PICALM: variants seen among roughly 807,000 people sequenced by gnomAD.
PICALM encodes phosphatidylinositol-binding clathrin assembly protein.
In PICALM, 40 loss-of-function variants were observed where a neutral mutation model predicts 80.5. The observed-to-expected ratio is 0.50, with a 90% CI of 0.39 to 0.65. The LOEUF is 0.65. PICALM is among the 30% of genes least tolerant of loss of function. The probability of loss-of-function intolerance (pLI) is 0.00; values close to 1 mark genes in which losing one functional copy is unlikely to be tolerated. For missense variants in PICALM, 676 were observed against 778.9 expected (o/e 0.87, Z 1.57); for synonymous variants, 288 against 260.3 (o/e 1.11, Z -1.02).
chr11:85,962,596 T>C (rs2093726600), intron 19 of PICALM, among the ~76,000 whole-genome samples: 1 of 152,238 alleles, frequency 6.6e-6, no homozygotes, highest in African/African-American at 2.4e-5. Context: ...ATAAACAATG[T>C]TGAAAAGGAT....
rs901534032 is a variant in PICALM at position 86,014,774 on chromosome 11, G to A, written c.546+96C>T. On this transcript the variant is annotated intron_variant, in intron 5 of 19. Transcript: ENST00000393346. The stretch of plus-strand genomic sequence containing the variant: ...TTAGCCATATAGGATATCAGGATGT[G>A]AAAAACTAGAGTCTGTGAAAACTTG... 40 of 629,942 alleles carry A rather than the reference G, an allele frequency of 6.3e-5. No individual in the cohort carries two copies. The East Asian group carries it at 1.2e-3, about 18-fold the overall frequency. The allele number at this position is 629,942 out of a possible 1,614,324, so 39.0% of individuals were successfully genotyped here.
Position 85,981,226 on chromosome 11 carries a change from T to C in PICALM, c.1682A>G (p.Asp561Gly), listed in dbSNP as rs1321141319. 6.6e-7 allele frequency: 1 copy of C among 1,506,298 alleles called. No homozygotes were observed. The highest frequency in any genetic ancestry group is 2.3e-5 in the East Asian group (1 of 44,382). The allele number at this position is 1,506,298 out of a possible 1,614,324, so 93.3% of individuals were successfully genotyped here. A position where few individuals can be genotyped will look rare whatever the true frequency, so the allele number is the denominator to read the frequency against. ...TTCACCTGGTTGACTCCAATTTACA[T>C]CACTTTAAATAAACATAAGTGAGAA... Reference protein sequence around the residue: ...LGIGNGTTKNDVNWSQPGEKK... With the variant: ...LGIGNGTTKNGVNWSQPGEKK... Residue 561 changes from aspartate to glycine, a missense_variant and splice_region_variant, in exon 17 of 20, where the codon GAT (aspartate) becomes GGT (glycine). Asp to Gly is a moderately conservative substitution (Grantham distance 94, BLOSUM62 -1). Coordinates refer to ENST00000393346, the MANE Select transcript of PICALM (RefSeq NM_007166.4).
At chr11:86,031,424 T>TA (rs2095750155) in intron 2 of PICALM, 45 bp downstream of exon 2, 1 of 1,495,908 alleles carries the variant, frequency 6.7e-7, no homozygotes, top group Non-Finnish European at 9.1e-7. Flanking sequence ...TAGCTAACAA[T>TA]AAGTCAACAC....
At chr11:86,062,726 A>G (rs182632829) in intron 1 of PICALM, among the ~76,000 whole-genome samples, 118 of 152,332 alleles carry the variant, frequency 7.7e-4, no homozygotes, top group African/African-American at 2.8e-3. Flanking sequence ...TAGGTTCATC[A>G]AGATTCTCTT....
At chr11:85,975,825 A>T (rs975535733) in intron 18 of PICALM, among the ~76,000 whole-genome samples, 1 of 151,580 alleles carries the variant, frequency 6.6e-6, no homozygotes, top group Non-Finnish European at 1.5e-5. Context: ...TTGAACTCCC[A>T]ACCTCAGGTG....
rs1307292087 is a variant in PICALM, at chr11:86,048,367, C to T, written c.131-16756G>A. On this transcript the variant is annotated intron_variant, in intron 1 of 19. Transcript: ENST00000393346. The stretch of plus-strand genomic sequence containing the variant: ...TAGTGCCTTGATCCACTCTAGGTCA[C>T]CAAGTCAAAACAGTATTTTGCAAGA... 2.0e-5 allele frequency among the ~76,000 whole-genome samples: 3 copies of T among 152,160 alleles called. No individual in the cohort carries two copies. In the East Asian group the frequency reaches 5.8e-4, roughly 29 times the overall value.
At chr11:86,067,142 G>C (rs1307422522) in intron 1 of PICALM, among the ~76,000 whole-genome samples, 1 of 152,196 alleles carries the variant, frequency 6.6e-6, no homozygotes, top group Non-Finnish European at 1.5e-5. Context: ...GCATTCATGA[G>C]CACAGTAACT....
intron 4 of PICALM, among the ~76,000 whole-genome samples, chr11:86,021,927 A>G (rs1301718158): frequency 6.6e-6 from 1 of 152,244 alleles, no homozygotes; most frequent in Non-Finnish European, 1.5e-5. Context: ...AAGGTCACAT[A>G]TTGTATAATT....
At chr11:85,994,779 T>C (rs76147041) in intron 12 of PICALM, among the ~76,000 whole-genome samples, 3,466 of 152,336 alleles carry the variant, frequency 0.023, 66 homozygotes, top group Non-Finnish European at 0.037. Flanking sequence ...TCTCGGCTCA[T>C]TGCAATTTCC....
At chr11:85,975,223 T>C (rs901303990) in intron 18 of PICALM, among the ~76,000 whole-genome samples, 3 of 152,210 alleles carry the variant, frequency 2.0e-5, no homozygotes, top group African/African-American at 4.8e-5. Context: ...ACTTTTGCCA[T>C]TATGCAAGTG....
intron 1 of PICALM, among the ~76,000 whole-genome samples, chr11:86,055,608 C>T (rs2096256653): frequency 6.6e-6 from 1 of 152,144 alleles, no homozygotes; most frequent in Admixed American, 6.5e-5. Flanking sequence ...CCACATTACA[C>T]AGAGGTAGTA....
chr11:85,982,422 A>ATTTTTTTTTTTTTTT (rs1446437172), intron 14 of PICALM, among the ~76,000 whole-genome samples: 13 of 29,756 alleles, frequency 4.4e-4, no homozygotes, highest in African/African-American at 8.1e-4. Flanking sequence ...GATTTTATAG[A>ATTTTTTTTTTTTTTT]CTTTTTTTTT....
At chr11:86,027,575 A>C (rs2095669598) in intron 2 of PICALM, among the ~76,000 whole-genome samples, 4 of 145,118 alleles carry the variant, frequency 2.8e-5, no homozygotes, top group African/African-American at 5.3e-5. Context: ...ACAGCTTTCC[A>C]CCCTCCTGCT....
intron 17 of PICALM, among the ~76,000 whole-genome samples, chr11:85,980,348 A>G (rs1288955633): frequency 1.3e-5 from 2 of 152,224 alleles, no homozygotes; most frequent in Non-Finnish European, 2.9e-5. Flanking sequence ...CGACAGCCTT[A>G]AGCAAGTCAC....
At chr11:86,064,280 C>T (rs2096411460) in intron 1 of PICALM, among the ~76,000 whole-genome samples, 2 of 152,106 alleles carry the variant, frequency 1.3e-5, no homozygotes, top group South Asian at 4.1e-4. Flanking sequence ...TTAGTAAGAA[C>T]TTGATCTTGA....
intron 1 of PICALM, among the ~76,000 whole-genome samples, chr11:86,039,273 T>A (rs1442065059): frequency 6.6e-6 from 1 of 152,108 alleles, no homozygotes; most frequent in Non-Finnish European, 1.5e-5. Flanking sequence ...CATGCACCTG[T>A]AGTCAGCTAC....
chr11:85,985,533 C>T (rs753466878), intron 13 of PICALM, among the ~76,000 whole-genome samples: 14 of 152,190 alleles, frequency 9.2e-5, no homozygotes, highest in Non-Finnish European at 1.6e-4. Context: ...TATCAAAATA[C>T]GAAATAATTT....
intron 2 of PICALM, 36 bp downstream of exon 2, chr11:86,031,428 TCAACA>T (rs764770499): frequency 1.3e-6 from 2 of 1,516,720 alleles, no homozygotes; most frequent in East Asian, 4.6e-5. Flanking sequence ...TAACAATAAG[TCAACA>T]CATCAGTATA....
intron 13 of PICALM, among the ~76,000 whole-genome samples, chr11:85,987,239 T>A (rs1208258885): frequency 6.6e-6 from 1 of 152,196 alleles, no homozygotes; most frequent in Non-Finnish European, 1.5e-5. Context: ...ATCCCTGTTT[T>A]ACAGATGAGG....
Sources: allele counts gnomAD v4.1 joint callset (sites outside exome capture counted in the v4.1 genomes callset), GRCh38; gene constraint gnomAD v4.1.1; transcripts MANE v1.5; gene names NCBI Gene and HGNC (gene_info 2026-07-23, HGNC 2026-07-21).